RBFOX3: variants seen among roughly 807,000 people sequenced by gnomAD.
RBFOX3 encodes RNA binding protein fox-1 homolog 3.
A neutral mutation model predicts 48.7 loss-of-function variants in RBFOX3; 17 were observed. The observed-to-expected ratio is 0.35, with a 90% confidence interval of 0.24 to 0.52. The LOEUF (loss-of-function observed/expected upper bound fraction) is 0.52. RBFOX3 is among the 20% of genes least tolerant of loss of function. RBFOX3 has a pLI of 0.94. For synonymous variants in RBFOX3, 212 were observed against 209.5 expected, an observed-to-expected ratio of 1.01 and a Z score of -0.10; for missense variants, 382 against 497.5, an observed-to-expected ratio of 0.77 and a Z score of 2.21.
intron 4 of RBFOX3, among the ~76,000 whole-genome samples, chr17:79,143,346 T>A (rs2042297861): frequency 7.7e-6 from 1 of 129,430 alleles, no homozygotes. Flanking sequence ...GACAGTTCTG[T>A]GGATGGTGCT....
At chr17:79,156,867 C>T (rs1425194720) in intron 4 of RBFOX3, among the ~76,000 whole-genome samples, 9 of 152,158 alleles carry the variant, frequency 5.9e-5, no homozygotes, top group African/African-American at 2.2e-4. Context: ...TCAGGAGTCC[C>T]GGGAGGAAAC....
At chr17:79,121,674 C>T (rs1359620109) in intron 4 of RBFOX3, among the ~76,000 whole-genome samples, 1 of 152,160 alleles carries the variant, frequency 6.6e-6, no homozygotes, top group Non-Finnish European at 1.5e-5. Context: ...CTTCTCTTGG[C>T]TGCACTGCCC....
chr17:79,168,343 C>T (rs1285144706), intron 4 of RBFOX3, among the ~76,000 whole-genome samples: 1 of 152,262 alleles, frequency 6.6e-6, no homozygotes, highest in Non-Finnish European at 1.5e-5. Context: ...AATTGCATGG[C>T]ACCTGCCTGA....
At chr17:79,292,252 G>T (rs1393597240) in intron 3 of RBFOX3, among the ~76,000 whole-genome samples, 1 of 152,012 alleles carries the variant, frequency 6.6e-6, no homozygotes, top group Non-Finnish European at 1.5e-5. Context: ...GCAAAACCAG[G>T]GTAAGGAAGG....
intron 4 of RBFOX3, among the ~76,000 whole-genome samples, chr17:79,138,307 G>A (rs1190265337): frequency 6.7e-6 from 1 of 150,160 alleles, no homozygotes; most frequent in Non-Finnish European, 1.5e-5. Flanking sequence ...CTCGCACACT[G>A]TGTGGACTCA....
intron 1 of RBFOX3, among the ~76,000 whole-genome samples, chr17:79,559,574 A>G: frequency 4.5e-5 from 4 of 89,468 alleles, no homozygotes; most frequent in Admixed American, 2.8e-4. Flanking sequence ...CAGATGGGTG[A>G]GTGGGTGGGG....
At chr17:79,248,764 C>T (rs1001428281) in intron 3 of RBFOX3, among the ~76,000 whole-genome samples, 4 of 152,194 alleles carry the variant, frequency 2.6e-5, no homozygotes, top group East Asian at 1.9e-4. Context: ...TGGGGGTCCC[C>T]GTTGACTCAC....
chr17:79,270,300 A>G (rs2067432810), intron 3 of RBFOX3, among the ~76,000 whole-genome samples: 1 of 152,184 alleles, frequency 6.6e-6, no homozygotes, highest in Non-Finnish European at 1.5e-5. Flanking sequence ...TCCTGAGTTC[A>G]GAACCATCTC....
At chr17:79,445,273 T>C (rs566451879) in intron 2 of RBFOX3, among the ~76,000 whole-genome samples, 3 of 152,088 alleles carry the variant, frequency 2.0e-5, no homozygotes, top group Non-Finnish European at 2.9e-5. Flanking sequence ...AGGGAGCACA[T>C]TTTCTTGTAA....
chr17:79,426,713 T>TTTG (rs1568230818), intron 2 of RBFOX3, among the ~76,000 whole-genome samples: 110 of 150,184 alleles, frequency 7.3e-4, no homozygotes, highest in African/African-American at 2.2e-3. Flanking sequence ...TTGTTTGTTT[T>TTTG]TTTGCTTTGA....
intron 2 of RBFOX3, among the ~76,000 whole-genome samples, chr17:79,330,731 G>T (rs4789887): frequency 0.31 from 47,570 of 152,012 alleles, 7,515 homozygotes; most frequent in African/African-American, 0.36. Flanking sequence ...GCTGTGCCTG[G>T]GGGGTCTTCT....
chr17:79,627,120 G>A, the RBFOX3 span, among the ~76,000 whole-genome samples: 1 of 152,226 alleles, frequency 6.6e-6, no homozygotes, highest in Non-Finnish European at 1.5e-5. Context: ...TGACCAGGCT[G>A]GGGACTGCAG....
At chr17:79,463,651 C>T (rs2075865861) in intron 2 of RBFOX3, among the ~76,000 whole-genome samples, 2 of 147,088 alleles carry the variant, frequency 1.4e-5, no homozygotes, top group South Asian at 2.3e-4. Flanking sequence ...CCACCTCCAC[C>T]ACCATCGCCA....
At chr17:79,388,455 C>T (rs928754759) in intron 2 of RBFOX3, among the ~76,000 whole-genome samples, 4 of 152,212 alleles carry the variant, frequency 2.6e-5, no homozygotes, top group Admixed American at 6.5e-5. Flanking sequence ...CACATGGAAT[C>T]GTTTTCAGCT....
chr17:79,526,607 G>A (rs1174699980), intron 1 of RBFOX3, among the ~76,000 whole-genome samples: 4 of 152,038 alleles, frequency 2.6e-5, no homozygotes, highest in Non-Finnish European at 5.9e-5. Context: ...GTTGGCAAAG[G>A]GAAAAACCAC....
At chr17:79,162,797 G>C (rs977043232) in intron 4 of RBFOX3, among the ~76,000 whole-genome samples, 1 of 152,184 alleles carries the variant, frequency 6.6e-6, no homozygotes, top group African/African-American at 2.4e-5. Context: ...ACGGCGGAGA[G>C]AGCAGGGCTG....
At chr17:79,400,986 G>T (rs912509605) in intron 2 of RBFOX3, among the ~76,000 whole-genome samples, 12 of 152,192 alleles carry the variant, frequency 7.9e-5, no homozygotes, top group Admixed American at 6.5e-4. Flanking sequence ...GAACAAAAAC[G>T]AGACAAAACA....
chr17:79,267,239 G>A (rs368605258), intron 3 of RBFOX3, among the ~76,000 whole-genome samples: 4 of 152,216 alleles, frequency 2.6e-5, no homozygotes, highest in South Asian at 2.1e-4. Context: ...TCTCAGCCTC[G>A]GTTGGGGAGT....
At chr17:79,145,508 T>G (rs551992688) in intron 4 of RBFOX3, among the ~76,000 whole-genome samples, 8 of 152,336 alleles carry the variant, frequency 5.3e-5, no homozygotes, top group African/African-American at 1.7e-4. Flanking sequence ...GGGAAGCACC[T>G]GCTCTCCGTG....
Sources: allele counts gnomAD v4.1 joint callset (sites outside exome capture counted in the v4.1 genomes callset), GRCh38; gene constraint gnomAD v4.1.1; transcripts MANE v1.5; gene names NCBI Gene and HGNC (gene_info 2026-07-23, HGNC 2026-07-21).